LYRM1: variants seen among roughly 807,000 people sequenced by gnomAD.
LYRM1 encodes the protein LYR motif containing 1, also known as LYR motif-containing protein 1.
A neutral mutation model predicts 14.9 loss-of-function variants in LYRM1; 14 were observed. The ratio of observed to expected loss-of-function variants is 0.94; its 90% CI spans 0.62 to 1.47. The LOEUF (loss-of-function observed/expected upper bound fraction) is 1.47, where lower values mean the gene tolerates loss of function less well. LYRM1 is among the 40% of genes most tolerant of loss of function. The pLI, the probability that LYRM1 is intolerant of heterozygous loss-of-function variation, is 0.00. For synonymous variants in LYRM1, 43 were observed against 56.2 expected (o/e 0.77, Z 1.05); for missense variants, 153 against 149.9 (o/e 1.02, Z -0.11).
intron 1 of LYRM1, among the ~76,000 whole-genome samples, chr16:20,904,691 TTG>T (rs3841490): frequency 1.5e-3 from 206 of 141,138 alleles, no homozygotes; most frequent in Non-Finnish European, 2.1e-3. Context: ...AAGTCTGTGG[TTG>T]TGTGTGTGTG....
At chr16:20,907,672 CT>C (rs908911846) in intron 1 of LYRM1, among the ~76,000 whole-genome samples, 3 of 152,082 alleles carry the variant, frequency 2.0e-5, no homozygotes, top group African/African-American at 7.2e-5. Context: ...TCATGTTCAT[CT>C]TTGAAGTCGA....
chr16:20,902,747 CTT>C (rs1343298015), intron 1 of LYRM1: 11 of 152,274 alleles, frequency 7.2e-5, no homozygotes, highest in Admixed American at 2.6e-4. Flanking sequence ...GAAAACCTGA[CTT>C]TTTGGATAAA....
At chr16:20,923,498 C>CAAAAAA (rs66570481) in intron 3 of LYRM1, among the ~76,000 whole-genome samples, 11 of 110,298 alleles carry the variant, frequency 1.0e-4, no homozygotes, top group East Asian at 2.7e-4. Flanking sequence ...AACTGTGTCT[C>CAAAAAA]AAAAAAAAAA....
At chr16:20,913,434 T>G (rs1217329877) in intron 1 of LYRM1, among the ~76,000 whole-genome samples, 2 of 151,234 alleles carry the variant, frequency 1.3e-5, no homozygotes, top group African/African-American at 2.4e-5. Context: ...TGCCTCAGCC[T>G]CCAAATAGCT....
chr16:20,908,208 ATAAT>A (rs1459333953), intron 1 of LYRM1, among the ~76,000 whole-genome samples: 2 of 152,194 alleles, frequency 1.3e-5, no homozygotes, highest in Non-Finnish European at 2.9e-5. Context: ...GGTGTGTAAC[ATAAT>A]TAAAAAGGGC....
intron 3 of LYRM1, among the ~76,000 whole-genome samples, chr16:20,922,531 C>T (rs2083250717): frequency 1.3e-5 from 2 of 152,142 alleles, no homozygotes; most frequent in South Asian, 4.1e-4. Context: ...GCACTGTCAC[C>T]CGGGCTGGAG....
upstream of LYRM1, chr16:20,900,588 T>A (rs2152521029): frequency 6.6e-6 from 1 of 152,404 alleles, no homozygotes; most frequent in Admixed American, 6.5e-5. Context: ...CCATTTTTTT[T>A]TCTTGTTTTA....
rs1400739073 is a variant in LYRM1, at chr16:20,920,368, C to A, written c.252+154C>A. 6.1e-6 allele frequency: 4 copies of A among 656,530 alleles called. No individual in the cohort carries two copies. In the East Asian group the frequency reaches 8.2e-5, roughly 13 times the overall value. The allele number at this position is 656,530 out of a possible 1,614,324, so 40.7% of individuals were successfully genotyped here. ...ATAAGCTATCATTGCATGCTGCCAG[C>A]CCATCACAACAAAGTAAAATGTCAA... On this transcript the variant is annotated intron_variant, in intron 3 of 3. Coordinates refer to ENST00000567954, the MANE Select transcript of LYRM1 (RefSeq NM_001128302.3).
chr16:20,905,377 T>C (rs1885894967), intron 1 of LYRM1, among the ~76,000 whole-genome samples: 1 of 152,218 alleles, frequency 6.6e-6, no homozygotes, highest in South Asian at 2.1e-4. Context: ...AAACCCAGCC[T>C]TGTCCGCCCA....
chr16:20,912,370 C>T lies in LYRM1; in HGVS notation c.1-3186C>T, dbSNP rs556721459. ...CTGCCAGCTCCGCCTCCCGGGTTCA[C>T]GCCATTCTCCTGCCTCAGCCTCCCG... On this transcript the variant is annotated intron_variant, in intron 1 of 3. Transcript: ENST00000567954. Among the ~76,000 whole-genome samples the T allele has an allele frequency of 9.2e-5, 14 of 152,042 alleles. No homozygotes were observed. In the South Asian group the frequency reaches 1.7e-3, roughly 18 times the overall value.
rs1251153160 is a variant in LYRM1, at chr16:20,923,514, G to GA, written c.253-483dup. ...ACTGTGTCTCAAAAAAAAAAAAAAAGAAAGAAAGAAAAATTAACCATCCCA... is the reference window on the plus strand; with the variant it reads ...ACTGTGTCTCAAAAAAAAAAAAAAAGAAAAGAAAGAAAAATTAACCATCCCA... On this transcript the variant is annotated intron_variant, in intron 3 of 3. Transcript: ENST00000567954. 1.4e-3 allele frequency among the ~76,000 whole-genome samples: 193 copies of GA among 141,356 alleles called. 3 individuals are homozygous for GA. Among genetic ancestry groups the GA allele is most frequent in the Non-Finnish European group, 2.4e-4 (16 of 65,672 alleles). 92.7% of individuals were successfully genotyped at this position (141,356 alleles called of 152,430 possible). A position where few individuals can be genotyped will look rare whatever the true frequency, so the allele number is the denominator to read the frequency against.
intron 2 of LYRM1, among the ~76,000 whole-genome samples, chr16:20,916,415 G>A (rs369017591): frequency 3.9e-5 from 6 of 152,160 alleles, no homozygotes; most frequent in Non-Finnish European, 8.8e-5. Flanking sequence ...TCTCCTCACT[G>A]ATCTAATGGA....
chr16:20,904,663 G>A (rs1045513132), intron 1 of LYRM1, among the ~76,000 whole-genome samples: 11 of 149,308 alleles, frequency 7.4e-5, no homozygotes, highest in Admixed American at 4.7e-4. Context: ...ACCAAAAACT[G>A]AATCTGAAAC....
intron 1 of LYRM1, among the ~76,000 whole-genome samples, chr16:20,903,859 A>G (rs994443317): frequency 1.9e-4 from 29 of 151,694 alleles, no homozygotes; most frequent in African/African-American, 6.8e-4. Flanking sequence ...TCAGTTTCCT[A>G]ATCCAGTTCC....
rs1483205762 is a variant in LYRM1 at position 20,924,471 on chromosome 16, T to C, written c.*355T>C. The C allele has an allele frequency of 5.9e-6, 1 of 170,124 alleles. No individual in the cohort carries two copies. The highest frequency in any genetic ancestry group is 1.3e-5 in the Non-Finnish European group (1 of 79,104). 10.5% of individuals were successfully genotyped at this position (170,124 alleles called of 1,614,324 possible). A position where few individuals can be genotyped will look rare whatever the true frequency, so the allele number is the denominator to read the frequency against. On this transcript the variant is annotated 3_prime_UTR_variant, in exon 4 of 4. Transcript: ENST00000567954. ...AAAGAAATTTGCCAGTCACTGGAAGTTACTGTGGCTACTATAAAACTATGT... is the reference window on the plus strand; with the variant it reads ...AAAGAAATTTGCCAGTCACTGGAAGCTACTGTGGCTACTATAAAACTATGT...
At chr16:20,902,114 A>T (rs1441160657) in intron 1 of LYRM1, among the ~76,000 whole-genome samples, 11 of 152,184 alleles carry the variant, frequency 7.2e-5, no homozygotes, top group Non-Finnish European at 1.5e-4. Flanking sequence ...CCGTCTTAAG[A>T]AAAAAGAAAA....
chr16:20,907,827 G>A (rs183187898), intron 1 of LYRM1, among the ~76,000 whole-genome samples: 3 of 152,030 alleles, frequency 2.0e-5, no homozygotes, highest in African/African-American at 7.2e-5. Flanking sequence ...CCCACCTCTG[G>A]TCATTTGTAT....
At chr16:20,912,294 G>C (rs2082634414) in intron 1 of LYRM1, among the ~76,000 whole-genome samples, 1 of 148,998 alleles carries the variant, frequency 6.7e-6, no homozygotes, top group Non-Finnish European at 1.5e-5. Flanking sequence ...TTTTGAGATG[G>C]AGTCTCACTC....
Position 20,913,563 on chromosome 16 carries a change from C to T in LYRM1, c.1-1993C>T, listed in dbSNP as rs563288677. Among the ~76,000 whole-genome samples the T allele has an allele frequency of 1.1e-4, 16 of 152,232 alleles. No individual in the cohort carries two copies. In the East Asian group the frequency reaches 2.7e-3, roughly 26 times the overall value. Reference sequence around the variant, plus strand: ...CTTACCTCAAGTGATCCACCTGCCTCGGCCTCCCAAACTGCTGGGATTACA... The same window carrying T: ...CTTACCTCAAGTGATCCACCTGCCTTGGCCTCCCAAACTGCTGGGATTACA... On this transcript the variant is annotated intron_variant, in intron 1 of 3. Coordinates refer to ENST00000567954, the MANE Select transcript of LYRM1 (RefSeq NM_001128302.3).
Sources: gnomAD v4.1 joint callset for allele counts (sites outside exome capture counted in the v4.1 genomes callset) on GRCh38, gnomAD v4.1.1 for gene constraint, MANE v1.5 for transcripts, NCBI Gene and HGNC (gene_info 2026-07-23, HGNC 2026-07-21) for gene names.